CCDC7: variants seen among roughly 807,000 people sequenced by gnomAD.
CCDC7 encodes the protein coiled-coil domain containing 7, also known as coiled-coil domain-containing protein 7.
CCDC7 carries 183 observed loss-of-function variants against 196.9 expected under a neutral mutation model. The observed-to-expected ratio is 0.93, with a 90% CI of 0.82 to 1.05. The LOEUF (loss-of-function observed/expected upper bound fraction) is 1.05, where lower values mean the gene tolerates loss of function less well. CCDC7 is among the 50% of genes least tolerant of loss of function. The pLI, the probability that CCDC7 is intolerant of heterozygous loss-of-function variation, is 0.00. For synonymous variants in CCDC7, 525 were observed against 484.6 expected (o/e 1.08, Z -1.10); for missense variants, 1,540 against 1,482.2 (o/e 1.04, Z -0.64).
At chr10:32,778,992 C>A in exon 29 of CCDC7, 1 of 1,549,368 alleles carries the variant, frequency 6.5e-7, no homozygotes, top group Non-Finnish European at 8.7e-7. Context: ...AATGAAGCAG[C>A]CTCAGAACTT....
chr10:32,488,964 T>TA (rs1370385274), intron 8 of CCDC7, among the ~76,000 whole-genome samples: 8 of 152,106 alleles, frequency 5.3e-5, no homozygotes, highest in Non-Finnish European at 8.8e-5. Context: ...CTGTGGTTGA[T>TA]ATGGGTAAAA....
intron 11 of CCDC7, among the ~76,000 whole-genome samples, chr10:32,527,719 A>G (rs998955983): frequency 6.6e-6 from 1 of 152,208 alleles, no homozygotes; most frequent in Non-Finnish European, 1.5e-5. Context: ...AGTAATTGTT[A>G]TATCCACACA....
chr10:32,469,335 A>T (rs528351178), intron 5 of CCDC7, among the ~76,000 whole-genome samples: 1 of 152,162 alleles, frequency 6.6e-6, no homozygotes, highest in Non-Finnish European at 1.5e-5. Flanking sequence ...AACAACTTCA[A>T]CTCCTAGGAT....
At chr10:32,694,245 T>C (rs1378657976) in intron 23 of CCDC7, among the ~76,000 whole-genome samples, 3 of 152,238 alleles carry the variant, frequency 2.0e-5, no homozygotes, top group Admixed American at 6.5e-5. Context: ...CTTGTTTTTA[T>C]TATTTTTTCT....
chr10:32,873,965 A>G (rs965660638), intron 41 of CCDC7, among the ~76,000 whole-genome samples: 1 of 151,702 alleles, frequency 6.6e-6, no homozygotes, highest in African/African-American at 2.4e-5. Flanking sequence ...GAAATAATGC[A>G]TATATATATG....
At position 32,596,357 on chromosome 10, in the gene CCDC7, C is replaced by T. The variant is rs570369652; in HGVS notation, c.1801+12053C>T. 7.2e-5 allele frequency among the ~76,000 whole-genome samples: 11 copies of T among 152,130 alleles called. No homozygotes were observed. The South Asian group carries it at 2.3e-3, about 32-fold the overall frequency. On this transcript the variant is annotated intron_variant, in intron 18 of 41. Coordinates refer to ENST00000639629, the Ensembl canonical transcript of CCDC7. Reference sequence around the variant, plus strand: ...TTTTGTCAGATACTAGGATTGCAACCCTTACCTTTTTTTGTTTTCCATTTG... The same window carrying T: ...TTTTGTCAGATACTAGGATTGCAACTCTTACCTTTTTTTGTTTTCCATTTG...
At chr10:32,844,883 C>T (rs1228782208) in intron 33 of CCDC7, among the ~76,000 whole-genome samples, 1 of 151,636 alleles carries the variant, frequency 6.6e-6, no homozygotes, top group African/African-American at 2.4e-5. Flanking sequence ...ACTACACATG[C>T]ACACACACAC....
At chr10:32,680,910 G>T (rs2075769690) in intron 21 of CCDC7, among the ~76,000 whole-genome samples, 1 of 152,114 alleles carries the variant, frequency 6.6e-6, no homozygotes, top group South Asian at 2.1e-4. Context: ...CAGGCTCTCT[G>T]ACTCATTTAA....
At chr10:32,868,824 T>A (rs1441181674) in intron 41 of CCDC7, among the ~76,000 whole-genome samples, 1 of 150,652 alleles carries the variant, frequency 6.6e-6, no homozygotes, top group Non-Finnish European at 1.5e-5. Context: ...TGGTGTTTGG[T>A]TTTTTGTCCT....
At chr10:32,808,365 C>T (rs959124353) in intron 30 of CCDC7, among the ~76,000 whole-genome samples, 5 of 152,142 alleles carry the variant, frequency 3.3e-5, no homozygotes, top group Admixed American at 6.5e-5. Flanking sequence ...ACCCAAAGGC[C>T]GGGGGCTCAT....
At chr10:32,485,637 G>A (rs2040908185) in intron 8 of CCDC7, among the ~76,000 whole-genome samples, 1 of 152,182 alleles carries the variant, frequency 6.6e-6, no homozygotes, top group African/African-American at 2.4e-5. Flanking sequence ...GGCATTTAGT[G>A]CTATAAATTT....
chr10:32,472,567 T>G lies in CCDC7; in HGVS notation c.739+25T>G, dbSNP rs765944396. 9 of 1,490,086 alleles carry G rather than the reference T, an allele frequency of 6.0e-6. No individual in the cohort carries two copies. In the Admixed American group the frequency reaches 6.8e-5, roughly 11 times the overall value. The allele number at this position is 1,490,086 out of a possible 1,614,324, so 92.3% of individuals were successfully genotyped here. ...GGTGATAATATTTTATATATGTTTA[T>G]CCTTAAAAATTTTATTAAAAATTTT... is the stretch of plus-strand genomic sequence containing the variant. On this transcript the variant is annotated intron_variant, in intron 7 of 41. Transcript: ENST00000639629.
At chr10:32,806,424 C>A (rs541643485) in intron 30 of CCDC7, among the ~76,000 whole-genome samples, 1 of 152,070 alleles carries the variant, frequency 6.6e-6, no homozygotes, top group African/African-American at 2.4e-5. Flanking sequence ...ACTTAGCAGA[C>A]AATGACTACA....
intron 41 of CCDC7, among the ~76,000 whole-genome samples, chr10:32,858,898 G>A (rs976652170): frequency 2.0e-5 from 3 of 152,056 alleles, no homozygotes; most frequent in Non-Finnish European, 2.9e-5. Context: ...TCCAATACAG[G>A]AGCACCCAGT....
chr10:32,586,835 T>C (rs187656102), intron 18 of CCDC7, among the ~76,000 whole-genome samples: 140 of 152,292 alleles, frequency 9.2e-4, no homozygotes, highest in African/African-American at 3.1e-3. Flanking sequence ...TTGTTTTTGC[T>C]TAGGATTGGC....
intron 24 of CCDC7, among the ~76,000 whole-genome samples, chr10:32,705,750 A>G (rs1391054246): frequency 7.2e-5 from 11 of 152,152 alleles, no homozygotes; most frequent in Non-Finnish European, 1.6e-4. Flanking sequence ...AAAGGGATCA[A>G]TTCAACAAGA....
At chr10:32,566,307 A>T (rs1232940792) in intron 14 of CCDC7, among the ~76,000 whole-genome samples, 1 of 152,158 alleles carries the variant, frequency 6.6e-6, no homozygotes, top group Non-Finnish European at 1.5e-5. Context: ...ACATAGCAAA[A>T]TTGGAAAGAT....
At chr10:32,876,496 G>T (rs911665339), downstream of CCDC7, 5 of 1,101,584 alleles carry the variant, frequency 4.5e-6, no homozygotes, top group African/African-American at 7.9e-5. Context: ...ACTGACTCGT[G>T]TGGATGGTGC....
intron 8 of CCDC7, among the ~76,000 whole-genome samples, chr10:32,484,049 T>G (rs544267886): frequency 5.3e-5 from 8 of 152,364 alleles, no homozygotes; most frequent in South Asian, 4.1e-4. Context: ...ATTGGTAGCT[T>G]GATGCGGATG....
Sources: allele counts gnomAD v4.1 joint callset (sites outside exome capture counted in the v4.1 genomes callset), GRCh38; gene constraint gnomAD v4.1.1; transcripts MANE v1.5; gene names NCBI Gene and HGNC (gene_info 2026-07-23, HGNC 2026-07-21).